THEMIS: variants seen among roughly 807,000 people sequenced by gnomAD.
THEMIS encodes thymocyte selection associated, also known as protein THEMIS.
Under a neutral mutation model 52.6 loss-of-function variants are expected in THEMIS, and 37 were observed. The observed-to-expected ratio is 0.70, with a 90% CI of 0.54 to 0.93. The LOEUF (loss-of-function observed/expected upper bound fraction) is 0.93, where lower values mean the gene tolerates loss of function less well. Among genes scored for constraint, THEMIS ranks in the 40% least tolerant of loss-of-function variants. The pLI is 0.00. For missense variants in THEMIS, 808 were observed against 763.1 expected (o/e 1.06, Z -0.69); for synonymous variants, 292 against 272.7 (o/e 1.07, Z -0.70).
At chr6:127,820,373 A>T (rs1395770330) in intron 3 of THEMIS, among the ~76,000 whole-genome samples, 1 of 152,102 alleles carries the variant, frequency 6.6e-6, no homozygotes, top group Non-Finnish European at 1.5e-5. Context: ...GATGGCAAGG[A>T]CACCGTGATC....
downstream of THEMIS, among the ~76,000 whole-genome samples, chr6:127,707,234 C>T (rs142928198): frequency 1.3e-3 from 200 of 152,124 alleles, 1 homozygote; most frequent in Middle Eastern, 6.8e-3. Context: ...CAATTCAAGA[C>T]GAGATTTAGA....
chr6:127,871,006 A>G (rs1426791373), intron 1 of THEMIS, among the ~76,000 whole-genome samples: 1 of 152,196 alleles, frequency 6.6e-6, no homozygotes, highest in Non-Finnish European at 1.5e-5. Context: ...ATCTTCCTTT[A>G]TAGAACACTT....
chr6:127,716,476 C>T (rs978913083), intron 5 of THEMIS, among the ~76,000 whole-genome samples: 1 of 151,864 alleles, frequency 6.6e-6, no homozygotes, highest in Admixed American at 6.6e-5. Flanking sequence ...TTGTTTGATG[C>T]AGGGGGTATA....
chr6:127,783,473 T>C (rs1222987650), intron 4 of THEMIS, among the ~76,000 whole-genome samples: 1 of 152,028 alleles, frequency 6.6e-6, no homozygotes, highest in Non-Finnish European at 1.5e-5. Context: ...TGGGAGAAAA[T>C]TGTTGCAATC....
intron 1 of THEMIS, among the ~76,000 whole-genome samples, chr6:127,893,498 C>G (rs1485913277): frequency 2.0e-5 from 3 of 152,162 alleles, no homozygotes; most frequent in African/African-American, 4.8e-5. Flanking sequence ...AATCACCTCT[C>G]ATTTATAACT....
intron 4 of THEMIS, among the ~76,000 whole-genome samples, chr6:127,799,650 G>C (rs1165196578): frequency 6.9e-6 from 1 of 145,530 alleles, no homozygotes; most frequent in East Asian, 2.0e-4. Context: ...TTGTTCACTA[G>C]TACCCAGTTT....
chr6:127,855,303 T>G, intron 1 of THEMIS, 115 bp from the exon 2 acceptor site: 1 of 852,100 alleles, frequency 1.2e-6, no homozygotes, highest in Non-Finnish European at 1.7e-6. Flanking sequence ...AGCTACCTGC[T>G]AAACAGGAAT....
rs1268541405 is a variant in THEMIS at position 127,759,623 on chromosome 6, G to A, written c.1759-39800C>T. Among the ~76,000 whole-genome samples the A allele has an allele frequency of 4.6e-5, 7 of 151,976 alleles. No homozygotes were observed. In the East Asian group the frequency reaches 5.8e-4, roughly 13 times the overall value. The stretch of plus-strand genomic sequence containing the variant: ...TCACATATATTCATCATTGAATTAC[G>A]TTGACTCTGTCTTCAAACACATCCA... On this transcript the variant is annotated intron_variant, in intron 4 of 5. Coordinates refer to ENST00000368248, the MANE Select transcript of THEMIS (RefSeq NM_001010923.3).
At chr6:127,883,817 T>C (rs575879499) in intron 1 of THEMIS, among the ~76,000 whole-genome samples, 38 of 152,264 alleles carry the variant, frequency 2.5e-4, no homozygotes, top group East Asian at 5.8e-4. Context: ...GGCTACGTTA[T>C]AATGTTTAGT....
chr6:127,813,680 A>G lies in THEMIS; in HGVS notation c.961T>C (p.Ser321Pro). The change falls in exon 4 of 6, where the codon TCA becomes CCA. Residue 321 changes from serine (S) to proline (P), a missense_variant. Coordinates refer to ENST00000368248, the MANE Select transcript of THEMIS (RefSeq NM_001010923.3). ...KKYQASRILA[S>P]EIRSNFPKRH... ...TTAGGAAAATTGCTTCTAATTTCTG[A>G]AGCTAAGATTCTTGATGCCTGGTAC... The G allele has an allele frequency of 6.2e-7, 1 of 1,614,166 alleles. No individual in the cohort carries two copies. Among genetic ancestry groups the G allele is most frequent in the East Asian group, 2.2e-5 (1 of 44,880 alleles).
intron 4 of THEMIS, among the ~76,000 whole-genome samples, chr6:127,784,991 CT>C (rs1193504360): frequency 8.2e-6 from 1 of 121,742 alleles, no homozygotes; most frequent in African/African-American, 3.3e-5. Flanking sequence ...ATCTATCTAT[CT>C]ATCTATCTAT....
chr6:127,818,925 C>A (rs1160183555), intron 3 of THEMIS, among the ~76,000 whole-genome samples: 1 of 151,700 alleles, frequency 6.6e-6, no homozygotes, highest in African/African-American at 2.4e-5. Flanking sequence ...CGAGACCATC[C>A]TGGCTAACAT....
At chr6:127,786,822 C>G (rs1425714944) in intron 4 of THEMIS, among the ~76,000 whole-genome samples, 1 of 152,094 alleles carries the variant, frequency 6.6e-6, no homozygotes, top group East Asian at 1.9e-4. Flanking sequence ...GTGACTAAAT[C>G]TTGATAAGAA....
intron 1 of THEMIS, among the ~76,000 whole-genome samples, chr6:127,857,407 A>G (rs1001345102): frequency 1.3e-5 from 2 of 152,064 alleles, no homozygotes; most frequent in Non-Finnish European, 2.9e-5. Context: ...AGCCTGATAC[A>G]TTCTGGAAAC....
intron 1 of THEMIS, among the ~76,000 whole-genome samples, chr6:127,879,838 C>T (rs998529800): frequency 6.6e-6 from 1 of 151,940 alleles, no homozygotes; most frequent in Non-Finnish European, 1.5e-5. Flanking sequence ...ATTTACAACC[C>T]GGCTGCCTAG....
chr6:127,798,399 A>G (rs1247202889), intron 4 of THEMIS, among the ~76,000 whole-genome samples: 1 of 152,098 alleles, frequency 6.6e-6, no homozygotes, highest in Non-Finnish European at 1.5e-5. Context: ...ACATGTGCAC[A>G]TTGTGCAGGT....
intron 4 of THEMIS, among the ~76,000 whole-genome samples, chr6:127,802,976 T>G (rs959202678): frequency 6.6e-6 from 1 of 152,236 alleles, no homozygotes; most frequent in African/African-American, 2.4e-5. Context: ...TCCATTCTGA[T>G]GCTTATGTTA....
chr6:127,899,635 C>T lies in THEMIS; in HGVS notation c.91+1207G>A, dbSNP rs922105407. On this transcript the variant is annotated intron_variant, in intron 1 of 5. Transcript: ENST00000368248. ...AAAAACTAAATGCAAAATATGAAAC[C>T]GTAAAGTTGATAAAAACAACATAGG... 5.9e-5 allele frequency among the ~76,000 whole-genome samples: 9 copies of T among 151,416 alleles called. No homozygotes were observed. The South Asian group carries it at 1.5e-3, about 24-fold the overall frequency.
intron 2 of THEMIS, among the ~76,000 whole-genome samples, chr6:127,831,489 CA>C (rs1778696950): frequency 6.6e-6 from 1 of 152,024 alleles, no homozygotes; most frequent in African/African-American, 2.4e-5. Flanking sequence ...TATATAGCTT[CA>C]AAAAGTCATT....
Sources: allele counts gnomAD v4.1 joint callset (sites outside exome capture counted in the v4.1 genomes callset), GRCh38; gene constraint gnomAD v4.1.1; transcripts MANE v1.5; gene names NCBI Gene and HGNC (gene_info 2026-07-23, HGNC 2026-07-21).